MRPS6: variants seen among roughly 807,000 people sequenced by gnomAD.
MRPS6 encodes the protein mitochondrial ribosomal protein S6.
Under a neutral mutation model 13.1 loss-of-function variants are expected in MRPS6, and 6 were observed. The observed-to-expected ratio is 0.46, with a 90% confidence interval of 0.25 to 0.91. The LOEUF (loss-of-function observed/expected upper bound fraction) is 0.91, where lower values mean the gene tolerates loss of function less well. Among genes scored for constraint, MRPS6 ranks in the 40% least tolerant of loss-of-function variants. The pLI, the probability that MRPS6 is intolerant of heterozygous loss-of-function variation, is 0.18. For missense variants in MRPS6, 164 were observed against 155.6 expected, an observed-to-expected ratio of 1.05 and a Z score of -0.29; for synonymous variants, 61 against 56.5, an observed-to-expected ratio of 1.08 and a Z score of -0.36.
chr21:34,121,195 T>C (rs1213478864), intron 1 of MRPS6, among the ~76,000 whole-genome samples: 1 of 152,016 alleles, frequency 6.6e-6, no homozygotes, highest in Non-Finnish European at 1.5e-5. Flanking sequence ...GGGATGGAGG[T>C]GCATTTTGGT....
intron 1 of MRPS6, among the ~76,000 whole-genome samples, chr21:34,117,674 A>G (rs1204716665): frequency 2.0e-5 from 3 of 152,168 alleles, no homozygotes; most frequent in Admixed American, 2.0e-4. Flanking sequence ...TTGAACCAAA[A>G]TGGCAATTTC....
intron 1 of MRPS6, among the ~76,000 whole-genome samples, chr21:34,094,481 C>T (rs1030679308): frequency 2.6e-5 from 4 of 151,998 alleles, no homozygotes; most frequent in Non-Finnish European, 5.9e-5. Context: ...ATTTTTGTGC[C>T]CTTATTACGA....
At chr21:34,100,010 A>G (rs1020372619) in intron 1 of MRPS6, 22 of 800,590 alleles carry the variant, frequency 2.7e-5, no homozygotes, top group South Asian at 5.8e-5. Flanking sequence ...AGCTAGCAAA[A>G]TGTTCATACT....
At chr21:34,131,802 GTCAT>G (rs1201671747) in intron 2 of MRPS6, among the ~76,000 whole-genome samples, 2 of 152,220 alleles carry the variant, frequency 1.3e-5, no homozygotes, top group Non-Finnish European at 2.9e-5. Context: ...GTCCTTGCCT[GTCAT>G]GGACAGTCTC....
intron 1 of MRPS6, among the ~76,000 whole-genome samples, chr21:34,109,793 G>C (rs1469719745): frequency 2.6e-5 from 4 of 151,008 alleles, no homozygotes; most frequent in Non-Finnish European, 5.9e-5. Flanking sequence ...TCGTATTCTT[G>C]TAAGGTTGTA....
rs765282059 is a variant in MRPS6, at chr21:34,096,879, A to G, written c.45+23134A>G. ...GGTGGTGAAGGAGAACTGCTCCCCA[A>G]AAGAGGAACCATACAAAATGCAAGA... On this transcript the variant is annotated intron_variant, in intron 1 of 2. Transcript: ENST00000399312. The surrounding 1 kb of genome is among the most constrained non-coding windows in gnomAD (Gnocchi z 5.9). 1.2e-6 allele frequency: 2 copies of G among 1,613,998 alleles called. No individual in the cohort carries two copies. Among genetic ancestry groups the G allele is most frequent in the African/African-American group, 2.7e-5 (2 of 74,922 alleles).
In MRPS6 at chr21:34,096,493, T is replaced by C. The variant is rs1180343435; in HGVS notation, c.45+22748T>C. On this transcript the variant is annotated intron_variant, in intron 1 of 2. Coordinates refer to ENST00000399312, the MANE Select transcript of MRPS6 (RefSeq NM_032476.4). This position sits in a 1 kb window ranked among gnomAD's most constrained non-coding sequence, Gnocchi z 5.9. ...GCATGGGTGCCAATCATCGTGGAGA[T>C]GCAAGGAGGCCAGATGTACCTTTAC... 6.2e-7 allele frequency: 1 copy of C among 1,614,066 alleles called. No individual in the cohort carries two copies. The highest frequency in any genetic ancestry group is 8.5e-7 in the Non-Finnish European group (1 of 1,180,038).
chr21:34,087,361 G>T (rs1978443820), intron 1 of MRPS6, among the ~76,000 whole-genome samples: 2 of 152,154 alleles, frequency 1.3e-5, no homozygotes, highest in Non-Finnish European at 2.9e-5. Context: ...TGATGGCGAA[G>T]AACTTAGTTG....
rs747809642 is a variant in MRPS6 at position 34,135,346 on chromosome 21, GTT to G, written c.186-7037_186-7036del. 603 of 147,102 alleles carry G rather than the reference GTT, an allele frequency of 4.1e-3. 4 individuals carry two copies. Among genetic ancestry groups the G allele is most frequent in the African/African-American group, 0.021 (540 of 26,310 alleles). 9.1% of individuals were successfully genotyped at this position (147,102 alleles called of 1,614,324 possible). A position where few individuals can be genotyped will look rare whatever the true frequency, so the allele number is the denominator to read the frequency against. On this transcript the variant is annotated intron_variant, in intron 2 of 2. Transcript: ENST00000399312. The stretch of plus-strand genomic sequence containing the variant: ...ATACCAGCAATGTATATGAGAGCCG[GTT>G]TTTTTTTTTTTTTTTTTTTTTTTTG...
At chr21:34,083,054 G>A (rs750119202) in intron 1 of MRPS6, among the ~76,000 whole-genome samples, 1 of 152,122 alleles carries the variant, frequency 6.6e-6, no homozygotes, top group Non-Finnish European at 1.5e-5. Context: ...CCCCAGAATC[G>A]AGAATTCCTG....
chr21:34,116,319 T>G (rs925497152), intron 1 of MRPS6, among the ~76,000 whole-genome samples: 1 of 117,462 alleles, frequency 8.5e-6, no homozygotes, highest in Non-Finnish European at 1.9e-5. Flanking sequence ...ATCATCCATG[T>G]TTTTTTTTTT....
intron 2 of MRPS6, among the ~76,000 whole-genome samples, chr21:34,140,502 C>T (rs1428117557): frequency 6.6e-6 from 1 of 152,158 alleles, no homozygotes; most frequent in Non-Finnish European, 1.5e-5. Flanking sequence ...GGTAAATGTT[C>T]TGTGTACACT....
chr21:34,139,842 T>G (rs369990007), intron 2 of MRPS6, among the ~76,000 whole-genome samples: 2 of 152,330 alleles, frequency 1.3e-5, no homozygotes, highest in South Asian at 2.1e-4. Flanking sequence ...CCTCCCAAAG[T>G]GCTGGTATTA....
At chr21:34,102,718 A>T in intron 1 of MRPS6, 1 of 1,000,148 alleles carries the variant, frequency 1.0e-6, no homozygotes, top group Non-Finnish European at 1.2e-6. Flanking sequence ...ATCAAGACAA[A>T]ACACAGTGGT....
intron 2 of MRPS6, chr21:34,135,499 C>G (rs7275786): frequency 0.028 from 13,970 of 503,984 alleles, 1,614 homozygotes; most frequent in African/African-American, 0.25. Context: ...GTTGGAGGAG[C>G]CCTTGGTGGC....
At chr21:34,077,366 T>C (rs1989357804) in intron 1 of MRPS6, among the ~76,000 whole-genome samples, 1 of 152,212 alleles carries the variant, frequency 6.6e-6, no homozygotes, top group Non-Finnish European at 1.5e-5. Context: ...ATTTTGTGGT[T>C]ACTTTAGGAA....
intron 1 of MRPS6, among the ~76,000 whole-genome samples, chr21:34,109,201 A>G (rs1979601641): frequency 6.7e-6 from 1 of 150,308 alleles, no homozygotes; most frequent in Non-Finnish European, 1.5e-5. Context: ...GTCGTCTTCC[A>G]CTCCCGCTTT....
chr21:34,103,575 A>G (rs1020252993), intron 1 of MRPS6: 2 of 1,000,128 alleles, frequency 2.0e-6, no homozygotes, highest in African/African-American at 3.5e-5. Flanking sequence ...TAGAAAGCAC[A>G]AAATCGTGTT....
chr21:34,092,739 A>C (rs112083588), intron 1 of MRPS6, among the ~76,000 whole-genome samples: 1,756 of 152,344 alleles, frequency 0.012, 38 homozygotes, highest in South Asian at 0.08. Context: ...TGCAGCAGCT[A>C]CTATGACACA....
Sources: allele counts gnomAD v4.1 joint callset (sites outside exome capture counted in the v4.1 genomes callset), GRCh38; gene constraint gnomAD v4.1.1; non-coding constraint Gnocchi (gnomAD v3.1); transcripts MANE v1.5; gene names NCBI Gene and HGNC (gene_info 2026-07-23, HGNC 2026-07-21).